Variants in PBX1 observed in about 807,000 individuals in gnomAD.
PBX1 encodes pre-B-cell leukemia transcription factor 1.
In PBX1, 6 loss-of-function variants were observed where a neutral mutation model predicts 53.4. That is an observed-to-expected ratio of 0.11 (90% confidence interval 0.06 to 0.22). The LOEUF is 0.22. Ranked by LOEUF, PBX1 falls within the 10% of genes least tolerant of loss-of-function variation. PBX1 has a pLI of 1.00. For synonymous variants in PBX1, 204 were observed against 212.3 expected, an observed-to-expected ratio of 0.96 and a Z score of 0.34; for missense variants, 251 against 551.4, an observed-to-expected ratio of 0.46 and a Z score of 5.46.
downstream of PBX1, among the ~76,000 whole-genome samples, chr1:164,856,529 T>A (rs1277925164): frequency 1.3e-5 from 2 of 152,194 alleles, no homozygotes; most frequent in African/African-American, 4.8e-5. Context: ...TCAGCTTTAA[T>A]TCCTTGAGTT....
rs774787030 is a variant in PBX1, at chr1:164,749,306, C to T, written c.266-43188C>T. 9.3e-4 allele frequency among the ~76,000 whole-genome samples: 142 copies of T among 152,036 alleles called. 1 individual carries two copies. Among genetic ancestry groups the T allele is most frequent in the Non-Finnish European group, 2.9e-4 (20 of 67,994 alleles). On this transcript the variant is annotated intron_variant, in intron 2 of 8. Transcript: ENST00000420696. ...TCTTACAACTTAATACAGAAATTTT[C>T]TGTTACTTTATTACTTTTTATAATT...
At chr1:164,610,038 G>T (rs968055514) in intron 2 of PBX1, among the ~76,000 whole-genome samples, 1 of 152,016 alleles carries the variant, frequency 6.6e-6, no homozygotes, top group Non-Finnish European at 1.5e-5. Context: ...GCACATTCAC[G>T]ATGCCCTCTG....
At position 164,619,648 on chromosome 1, in the gene PBX1, T is replaced by C. The variant is rs78600173; in HGVS notation, c.265+56337T>C. The stretch of plus-strand genomic sequence containing the variant: ...TGTGTCCCTTTATTTTCTGAGGAAA[T>C]TTATGGTCTAGTTCCAGAAAATTAG... On this transcript the variant is annotated intron_variant, in intron 2 of 8. Coordinates refer to ENST00000420696, the MANE Select transcript of PBX1 (RefSeq NM_002585.4). 3.2e-3 allele frequency among the ~76,000 whole-genome samples: 489 copies of C among 152,268 alleles called. 3 individuals carry two copies. Among genetic ancestry groups the C allele is most frequent in the African/African-American group, 0.011 (465 of 41,548 alleles).
intron 2 of PBX1, among the ~76,000 whole-genome samples, chr1:164,881,374 A>T (rs1409831381): frequency 3.1e-4 from 39 of 125,606 alleles, no homozygotes; most frequent in East Asian, 4.7e-4. Context: ...GAAAAGAAGG[A>T]AGGAAGGAAG....
intron 4 of PBX1, among the ~76,000 whole-genome samples, chr1:164,803,371 T>A (rs1669180846): frequency 1.3e-5 from 2 of 152,218 alleles, no homozygotes; most frequent in Non-Finnish European, 2.9e-5. Flanking sequence ...GCAGGATGTT[T>A]GCCAAATAGA....
intron 2 of PBX1, among the ~76,000 whole-genome samples, chr1:164,653,195 CA>C: frequency 6.6e-6 from 1 of 152,276 alleles, no homozygotes; most frequent in East Asian, 1.9e-4. Context: ...TAGAATTACA[CA>C]ACATGTGTAC....
At chr1:164,648,410 C>T (rs1222976333) in intron 2 of PBX1, among the ~76,000 whole-genome samples, 2 of 152,190 alleles carry the variant, frequency 1.3e-5, no homozygotes, top group Admixed American at 1.3e-4. Context: ...AGTTCTTTGG[C>T]CACCTCCTCA....
At chr1:164,791,126 T>A (rs1263977508) in intron 2 of PBX1, among the ~76,000 whole-genome samples, 1 of 152,332 alleles carries the variant, frequency 6.6e-6, no homozygotes. Context: ...TTCTTAAAAA[T>A]TGAAAACACT....
chr1:164,686,124 A>G (rs1662077766), intron 2 of PBX1, among the ~76,000 whole-genome samples: 1 of 152,188 alleles, frequency 6.6e-6, no homozygotes, highest in Admixed American at 6.5e-5. Context: ...AGGGCGGGGA[A>G]CTTACAAGGA....
At chr1:164,687,579 AAAAAG>A (rs1438651193) in intron 2 of PBX1, among the ~76,000 whole-genome samples, 2 of 151,448 alleles carry the variant, frequency 1.3e-5, no homozygotes, top group Admixed American at 6.6e-5. Flanking sequence ...AAAAAAAAAA[AAAAAG>A]GAAATAGTTT....
chr1:164,588,247 T>C (rs1041304693), intron 2 of PBX1, among the ~76,000 whole-genome samples: 1 of 152,020 alleles, frequency 6.6e-6, no homozygotes, highest in African/African-American at 2.4e-5. Context: ...GAAAAATCAA[T>C]AGTAAGGGGA....
chr1:164,875,386 T>C (rs1237971233), intron 2 of PBX1, among the ~76,000 whole-genome samples: 5 of 152,204 alleles, frequency 3.3e-5, no homozygotes, highest in Non-Finnish European at 7.3e-5. Flanking sequence ...CACTGCAACC[T>C]TGACCTCTTG....
intron 2 of PBX1, among the ~76,000 whole-genome samples, chr1:164,669,862 T>C (rs1422207577): frequency 6.6e-6 from 1 of 152,192 alleles, no homozygotes; most frequent in Non-Finnish European, 1.5e-5. Flanking sequence ...AGTTGGTTCT[T>C]GTTTTGTGTA....
chr1:164,597,423 C>T (rs12405060), intron 2 of PBX1, among the ~76,000 whole-genome samples: 9,869 of 152,206 alleles, frequency 0.065, 850 homozygotes, highest in East Asian at 0.4. Flanking sequence ...TCTATGACGA[C>T]GTGGAACTAT....
intron 2 of PBX1, among the ~76,000 whole-genome samples, chr1:164,702,807 T>C (rs1382383881): frequency 2.0e-5 from 3 of 152,146 alleles, no homozygotes; most frequent in African/African-American, 7.2e-5. Flanking sequence ...GGAAAATTCT[T>C]CTTCTCGTTG....
chr1:164,847,710 T>C lies in PBX1; in HGVS notation c.*1034T>C. ...ATACAATTACCTACATTAATAACTG[T>C]AGCACTATGCCTTTTGAGCCCGAGA... On this transcript the variant is annotated 3_prime_UTR_variant, in exon 9 of 9. Coordinates refer to ENST00000420696, the MANE Select transcript of PBX1 (RefSeq NM_002585.4). The C allele has an allele frequency of 9.5e-7, 1 of 1,056,374 alleles. No homozygotes were observed. Among genetic ancestry groups the C allele is most frequent in the Non-Finnish European group, 1.1e-6 (1 of 873,654 alleles). The allele number at this position is 1,056,374 out of a possible 1,614,324, so 65.4% of individuals were successfully genotyped here.
chr1:164,745,210 GC>G (rs1177193066), intron 2 of PBX1, among the ~76,000 whole-genome samples: 4 of 152,154 alleles, frequency 2.6e-5, no homozygotes, highest in Admixed American at 6.5e-5. Flanking sequence ...TAGATGGAAA[GC>G]ATGGGCCACA....
intron 8 of PBX1, among the ~76,000 whole-genome samples, chr1:164,825,911 A>G (rs1395812956): frequency 7.0e-6 from 1 of 143,656 alleles, no homozygotes; most frequent in African/African-American, 2.7e-5. Context: ...ATGTAGCAAC[A>G]TAACATTGTT....
intron 2 of PBX1, among the ~76,000 whole-genome samples, chr1:164,772,040 C>T (rs1038278200): frequency 6.6e-6 from 1 of 152,180 alleles, no homozygotes; most frequent in African/African-American, 2.4e-5. Context: ...CCCAAGAATT[C>T]CAGCTGTCCT....
Sources: gnomAD v4.1 joint callset for allele counts (sites outside exome capture counted in the v4.1 genomes callset) on GRCh38, gnomAD v4.1.1 for gene constraint, MANE v1.5 for transcripts, NCBI Gene and HGNC (gene_info 2026-07-23, HGNC 2026-07-21) for gene names.